FAM118B: variants seen among roughly 807,000 people sequenced by gnomAD.
The protein encoded by FAM118B is SIR2 antiphage like 1, also known as protein FAM118B.
Under a neutral mutation model 38.5 loss-of-function variants are expected in FAM118B, and 24 were observed. The observed-to-expected ratio is 0.62, with a 90% CI of 0.45 to 0.88. The LOEUF (loss-of-function observed/expected upper bound fraction) is 0.88, where lower values mean the gene tolerates loss of function less well. Among genes scored for constraint, FAM118B ranks in the 40% least tolerant of loss-of-function variants. FAM118B has a pLI of 0.00. For synonymous variants in FAM118B, 138 were observed against 156.3 expected (o/e 0.88, Z 0.87); for missense variants, 334 against 420.0 (o/e 0.80, Z 1.79).
At chr11:126,238,531 T>G (rs1950310920) in intron 3 of FAM118B, among the ~76,000 whole-genome samples, 1 of 152,202 alleles carries the variant, frequency 6.6e-6, no homozygotes, top group African/African-American at 2.4e-5. Context: ...TCCTAGAGTC[T>G]GAAAAGCTTC....
Position 126,262,201 on chromosome 11 carries a change from G to A in FAM118B, c.*68G>A, listed in dbSNP as rs1243645315. On this transcript the variant is annotated 3_prime_UTR_variant, in exon 9 of 9. Coordinates refer to ENST00000533050, the MANE Select transcript of FAM118B (RefSeq NM_024556.4). ...CCCTACTACAGACAGTGTTTAACAA[G>A]TAAACTTACAAGAACCCAACACAAT... The A allele has an allele frequency of 7.7e-6, 12 of 1,552,734 alleles. No homozygotes were observed. The highest frequency in any genetic ancestry group is 1.1e-5 in the South Asian group (1 of 89,052).
At chr11:126,261,296 T>A (rs536849960) in intron 7 of FAM118B, 129 bp from the exon 8 acceptor site, 2 of 686,166 alleles carry the variant, frequency 2.9e-6, no homozygotes, top group Non-Finnish European at 5.0e-6. Flanking sequence ...TTCTCAATGA[T>A]TGTTTCATTT....
intron 1 of FAM118B, among the ~76,000 whole-genome samples, chr11:126,221,681 TG>T (rs1950065037): frequency 6.7e-6 from 1 of 149,252 alleles, no homozygotes; most frequent in Non-Finnish European, 1.5e-5. Context: ...GTGAATGGGG[TG>T]GGAAGGGAAG....
At chr11:126,260,774 ATTTTC>A (rs1307601235) in intron 7 of FAM118B, 1 of 152,074 alleles carries the variant, frequency 6.6e-6, no homozygotes, top group East Asian at 1.9e-4. Flanking sequence ...TCTAATGACT[ATTTTC>A]TTCCATGTGT....
At chr11:126,238,674 C>T (rs193235043) in intron 3 of FAM118B, among the ~76,000 whole-genome samples, 2 of 152,246 alleles carry the variant, frequency 1.3e-5, no homozygotes, top group East Asian at 3.9e-4. Flanking sequence ...AACCTCTAGC[C>T]TGCTGAAAGT....
At chr11:126,217,973 C>T (rs752112905) in intron 1 of FAM118B, among the ~76,000 whole-genome samples, 6 of 152,214 alleles carry the variant, frequency 3.9e-5, no homozygotes, top group Non-Finnish European at 8.8e-5. Flanking sequence ...TTCTCTATCT[C>T]TGGTGTTCTG....
chr11:126,217,208 C>CT (rs112158110), intron 1 of FAM118B, among the ~76,000 whole-genome samples: 11 of 152,160 alleles, frequency 7.2e-5, no homozygotes, highest in African/African-American at 2.7e-4. Flanking sequence ...AACAAAAAGA[C>CT]TTTTTTTGAG....
At chr11:126,245,189 G>T (rs1210948842) in intron 4 of FAM118B, 1 of 151,908 alleles carries the variant, frequency 6.6e-6, no homozygotes, top group African/African-American at 2.4e-5. Context: ...ATTGGAAATG[G>T]AGCAGGTCAA....
At chr11:126,232,751 C>T (rs891550306) in intron 2 of FAM118B, among the ~76,000 whole-genome samples, 5 of 150,032 alleles carry the variant, frequency 3.3e-5, no homozygotes, top group Admixed American at 2.7e-4. Flanking sequence ...CTTAAAAAAA[C>T]TTAAAAAAAT....
chr11:126,212,116 C>G (rs1233849274), intron 1 of FAM118B, among the ~76,000 whole-genome samples: 2 of 152,236 alleles, frequency 1.3e-5, no homozygotes, highest in Admixed American at 6.5e-5. Flanking sequence ...GTCGGGGACC[C>G]TCTTGATCGG....
rs754047449 is a variant in FAM118B, at chr11:126,244,529, C to T, written c.339+3485C>T. Among the ~76,000 whole-genome samples the T allele has an allele frequency of 5.3e-5, 8 of 152,208 alleles. No individual in the cohort carries two copies. Among genetic ancestry groups the T allele is most frequent in the Non-Finnish European group, 8.8e-5 (6 of 68,032 alleles). ...AACGAAAGAAGTACAGAAGGCTAGG[C>T]GTGGTGGCCCATGCCTGTTGTCTCA... On this transcript the variant is annotated intron_variant, in intron 4 of 8. Transcript: ENST00000533050. The surrounding 1 kb of genome is among the most constrained non-coding windows in gnomAD (Gnocchi z 4.5).
Position 126,235,014 on chromosome 11 carries a change from G to A in FAM118B, c.13G>A (p.Gly5Arg). 1 of 1,613,960 alleles carries A rather than the reference G, an allele frequency of 6.2e-7. No homozygotes were observed. The highest frequency in any genetic ancestry group is 2.2e-5 in the East Asian group (1 of 44,880). The change falls in exon 3 of 9, where the codon GGG becomes AGG. Residue 5 changes from glycine (G) to arginine (R), a missense_variant. Physicochemically the swap from Gly to Arg is moderately radical, Grantham distance 125. Transcript: ENST00000533050. ...TTTTAGAAACTGGATGGCTTCTACA[G>A]GGAGCCAGGCCTCTGATATAGACGA... MAST[G>R]SQASDIDEIF... is the part of the protein sequence containing the mutation.
chr11:126,226,921 TCATG>T (rs1950149752), intron 1 of FAM118B, among the ~76,000 whole-genome samples: 1 of 140,758 alleles, frequency 7.1e-6, no homozygotes, highest in Non-Finnish European at 1.5e-5. Context: ...TGAGCTATGA[TCATG>T]CCTGGGCAAC....
intron 3 of FAM118B, among the ~76,000 whole-genome samples, chr11:126,236,788 A>G (rs1950279934): frequency 6.9e-6 from 1 of 144,272 alleles, no homozygotes; most frequent in African/African-American, 2.6e-5. Flanking sequence ...CGTTTTCTTA[A>G]ATTTAGCTTT....
intron 1 of FAM118B, among the ~76,000 whole-genome samples, chr11:126,219,555 G>T (rs1950035546): frequency 6.6e-6 from 1 of 151,480 alleles, no homozygotes; most frequent in Non-Finnish European, 1.5e-5. Flanking sequence ...TAGAGACAGG[G>T]TCTCCCTATT....
chr11:126,256,876 G>A lies in FAM118B; in HGVS notation c.982+24G>A. ...AGGTAAGATGCATTTTGAAGCTGAG[G>A]GGAATCAGAGAACAACAGCTCTTCA... On this transcript the variant is annotated intron_variant, in intron 7 of 8. Transcript: ENST00000533050. The surrounding 1 kb of genome is among the most constrained non-coding windows in gnomAD (Gnocchi z 6.6). The A allele has an allele frequency of 6.3e-7, 1 of 1,589,800 alleles. No homozygotes were observed. The highest frequency in any genetic ancestry group is 8.6e-7 in the Non-Finnish European group (1 of 1,167,032).
chr11:126,226,182 CTG>C (rs1950139622), intron 1 of FAM118B, among the ~76,000 whole-genome samples: 1 of 87,344 alleles, frequency 1.1e-5, no homozygotes, highest in Non-Finnish European at 2.3e-5. Context: ...GTTCCTATCA[CTG>C]TGAGTTAGGC....
chr11:126,218,517 G>A (rs895269364), intron 1 of FAM118B, among the ~76,000 whole-genome samples: 1 of 151,454 alleles, frequency 6.6e-6, no homozygotes, highest in African/African-American at 2.4e-5. Context: ...TTCTATGAGG[G>A]CAGGGATTTT....
chr11:126,257,344 T>A (rs1326283888), intron 7 of FAM118B, among the ~76,000 whole-genome samples: 2 of 152,228 alleles, frequency 1.3e-5, no homozygotes, highest in African/African-American at 4.8e-5. Context: ...ATTGGATGAT[T>A]GCACAATCAC....
Sources: gnomAD v4.1 joint callset for allele counts (sites outside exome capture counted in the v4.1 genomes callset) on GRCh38, gnomAD v4.1.1 for gene constraint, Gnocchi (gnomAD v3.1) non-coding constraint, MANE v1.5 for transcripts, NCBI Gene and HGNC (gene_info 2026-07-23, HGNC 2026-07-21) for gene names.